The following SLC24A2 variants were observed in gnomAD, a reference collection of about 807,000 sequenced individuals.
SLC24A2 encodes the protein solute carrier family 24 member 2, also known as sodium/potassium/calcium exchanger 2.
In SLC24A2, 36 loss-of-function variants were observed where a neutral mutation model predicts 62.0. The observed-to-expected ratio is 0.58, with a 90% CI of 0.44 to 0.77. The LOEUF is 0.77. Ranked by LOEUF, SLC24A2 falls within the 30% of genes least tolerant of loss-of-function variation. The pLI is 0.00. For missense variants in SLC24A2, 846 were observed against 817.9 expected (o/e 1.03, Z -0.42); for synonymous variants, 358 against 294.0 (o/e 1.22, Z -2.23).
the SLC24A2 span, among the ~76,000 whole-genome samples, chr9:20,186,895 T>G: frequency 6.6e-6 from 1 of 152,198 alleles, no homozygotes; most frequent in Admixed American, 6.5e-5. Context: ...TTCTACAACT[T>G]CATTCTGACC....
chr9:19,853,391 T>C, the SLC24A2 span, among the ~76,000 whole-genome samples: 3 of 152,356 alleles, frequency 2.0e-5, no homozygotes, highest in South Asian at 4.1e-4. Context: ...GTGCCGGTTT[T>C]CAAGGGCAAT....
chr9:19,753,320 T>TA (rs1240185638), intron 2 of SLC24A2, among the ~76,000 whole-genome samples: 1 of 152,230 alleles, frequency 6.6e-6, no homozygotes, highest in Non-Finnish European at 1.5e-5. Flanking sequence ...AACTGGATTT[T>TA]ATCTGTGTTG....
At position 19,608,616 on chromosome 9, in the gene SLC24A2, T is replaced by A. The variant is rs934664365; in HGVS notation, c.1078+10968A>T. 2.6e-5 allele frequency among the ~76,000 whole-genome samples: 4 copies of A among 152,160 alleles called. No individual in the cohort carries two copies. In the East Asian group the frequency reaches 7.7e-4, roughly 29 times the overall value. On this transcript the variant is annotated intron_variant, in intron 4 of 10. Transcript: ENST00000341998. ...CCGCAGTTTTCTCAGAGGTAAAACA[T>A]GCATATGACTTCCCATAGCCACTGC...
At chr9:20,184,250 C>G in the SLC24A2 span, among the ~76,000 whole-genome samples, 1 of 152,070 alleles carries the variant, frequency 6.6e-6, no homozygotes, top group Admixed American at 6.6e-5. Flanking sequence ...TGCCTATTGT[C>G]AAAAAAAGCA....
chr9:20,074,549 A>AGAAGGCAG, the SLC24A2 span, among the ~76,000 whole-genome samples: 1 of 124,932 alleles, frequency 8.0e-6, no homozygotes, highest in Non-Finnish European at 1.6e-5. Flanking sequence ...TAGGAAGAGA[A>AGAAGGCAG]GAAGGCAGGA....
the SLC24A2 span, among the ~76,000 whole-genome samples, chr9:20,158,646 C>T: frequency 6.6e-6 from 1 of 150,994 alleles, no homozygotes; most frequent in Non-Finnish European, 1.5e-5. Context: ...AAGAATAAGA[C>T]AGACATATTG....
the SLC24A2 span, among the ~76,000 whole-genome samples, chr9:20,277,316 A>G: frequency 2.0e-5 from 3 of 151,940 alleles, no homozygotes; most frequent in Non-Finnish European, 4.4e-5. Context: ...GAATGGGAGA[A>G]AATTTTTACA....
chr9:20,091,405 A>G, the SLC24A2 span, among the ~76,000 whole-genome samples: 1 of 152,128 alleles, frequency 6.6e-6, no homozygotes, highest in African/African-American at 2.4e-5. Context: ...TCATATAATC[A>G]GATTTTCCAA....
At chr9:19,754,188 A>G (rs1446680723) in intron 2 of SLC24A2, among the ~76,000 whole-genome samples, 3 of 152,186 alleles carry the variant, frequency 2.0e-5, no homozygotes, top group East Asian at 3.9e-4. Context: ...CCTCAGTGGC[A>G]GGGTAGAAGA....
the SLC24A2 span, among the ~76,000 whole-genome samples, chr9:19,956,022 A>G: frequency 3.4e-3 from 512 of 152,360 alleles, no homozygotes; most frequent in African/African-American, 0.011. Flanking sequence ...CTCCAACAGC[A>G]CTAGCCCTAG....
At chr9:20,036,411 A>G in the SLC24A2 span, among the ~76,000 whole-genome samples, 1 of 138,936 alleles carries the variant, frequency 7.2e-6, no homozygotes, top group East Asian at 3.6e-4. Flanking sequence ...ACATTGTGCA[A>G]TAGAACTTAG....
chr9:19,882,729 T>C, the SLC24A2 span, among the ~76,000 whole-genome samples: 2 of 151,156 alleles, frequency 1.3e-5, no homozygotes, highest in East Asian at 3.9e-4. Context: ...AAACACTTTC[T>C]AAAGATATAT....
At chr9:19,597,331 G>T (rs776102860) in intron 4 of SLC24A2, 52 bp from the exon 5 acceptor site, 49 of 1,212,622 alleles carry the variant, frequency 4.0e-5, no homozygotes, top group Non-Finnish European at 5.8e-5. Flanking sequence ...TATAATGCAA[G>T]AACTTTGTTT....
At chr9:20,138,736 AG>A in the SLC24A2 span, among the ~76,000 whole-genome samples, 71 of 152,250 alleles carry the variant, frequency 4.7e-4, no homozygotes, top group Admixed American at 4.1e-3. Flanking sequence ...TACCTTTTTC[AG>A]GGTTCTTATT....
the SLC24A2 span, among the ~76,000 whole-genome samples, chr9:19,905,029 T>A: frequency 6.6e-6 from 1 of 152,194 alleles, no homozygotes; most frequent in Non-Finnish European, 1.5e-5. Flanking sequence ...TCTTGAAAAT[T>A]AGATTTTTTG....
At chr9:19,865,457 C>A in the SLC24A2 span, among the ~76,000 whole-genome samples, 621 of 152,200 alleles carry the variant, frequency 4.1e-3, 5 homozygotes, top group African/African-American at 0.014. Flanking sequence ...TCAAATTATG[C>A]TAGAAAGATA....
the SLC24A2 span, among the ~76,000 whole-genome samples, chr9:19,909,068 A>T: frequency 2.6e-5 from 4 of 152,334 alleles, no homozygotes; most frequent in African/African-American, 9.6e-5. Flanking sequence ...AATAGCAAAG[A>T]CTTGGAACTA....
At chr9:19,859,403 T>C in the SLC24A2 span, among the ~76,000 whole-genome samples, 20 of 152,094 alleles carry the variant, frequency 1.3e-4, no homozygotes, top group African/African-American at 4.1e-4. Flanking sequence ...GCACTATGCT[T>C]ATTACCTGGG....
chr9:20,061,041 A>C, the SLC24A2 span, among the ~76,000 whole-genome samples: 1 of 152,248 alleles, frequency 6.6e-6, no homozygotes, highest in East Asian at 1.9e-4. Context: ...TTAAAAATAC[A>C]TCCATAAATG....
Sources: allele counts gnomAD v4.1 joint callset (sites outside exome capture counted in the v4.1 genomes callset), GRCh38; gene constraint gnomAD v4.1.1; transcripts MANE v1.5; gene names NCBI Gene and HGNC (gene_info 2026-07-23, HGNC 2026-07-21).